Variants in AUTS2 observed in about 807,000 individuals in gnomAD.
AUTS2 encodes the protein autism susceptibility gene 2 protein.
A neutral mutation model predicts 112.4 loss-of-function variants in AUTS2; 17 were observed. The observed-to-expected ratio is 0.15, with a 90% CI of 0.10 to 0.23. The LOEUF is 0.23. AUTS2 is among the 10% of genes least tolerant of loss of function. The pLI, the probability that AUTS2 is intolerant of heterozygous loss-of-function variation, is 1.00. For missense variants in AUTS2, 1,510 were observed against 1,701.6 expected (o/e 0.89, Z 1.98); for synonymous variants, 751 against 702.7 (o/e 1.07, Z -1.09).
Position 70,763,287 on chromosome 7 carries a change from T to A in AUTS2, c.1160T>A (p.Leu387His). The A allele has an allele frequency of 6.2e-7, 1 of 1,605,928 alleles. No individual in the cohort carries two copies. The stretch of plus-strand genomic sequence containing the variant: ...CAGGCCCACCCCTCTGCTCAGAGCC[T>A]CTCCCAGCCATTGTCAGCCTACAAC... Reference protein sequence around the residue: ...PVQAHPSAQSLSQPLSAYNSS... With the variant: ...PVQAHPSAQSHSQPLSAYNSS... Residue 387 changes from leucine (L) to histidine (H), a missense_variant, in exon 7 of 19, where the codon CTC becomes CAC. By Grantham distance (99) the Leu-to-His change is moderately conservative. Transcript: ENST00000342771.
chr7:70,141,951 G>C (rs1472742811), intron 4 of AUTS2, among the ~76,000 whole-genome samples: 1 of 152,178 alleles, frequency 6.6e-6, no homozygotes, highest in Admixed American at 6.5e-5. Context: ...TTTAACTTCA[G>C]CTTCCTCATT....
chr7:70,000,641 A>G (rs1799149213), intron 2 of AUTS2, among the ~76,000 whole-genome samples: 1 of 152,198 alleles, frequency 6.6e-6, no homozygotes, highest in South Asian at 2.1e-4. Flanking sequence ...TCATCTTTAT[A>G]TTTGAACTGA....
rs1802369571 is a variant in AUTS2 at position 70,580,200 on chromosome 7, C to T, written c.691-118369C>T. Among the ~76,000 whole-genome samples, 3 of 152,210 alleles carry T rather than the reference C, an allele frequency of 2.0e-5. No homozygotes were observed. In the South Asian group the frequency reaches 6.2e-4, roughly 32 times the overall value. ...GTACTAGACGGTTTCACTCTTGCAA[C>T]CCTGAAACAGTGGAGTTTCAGGGCT... On this transcript the variant is annotated intron_variant, in intron 5 of 18. Coordinates refer to ENST00000342771, the MANE Select transcript of AUTS2 (RefSeq NM_015570.4).
intron 5 of AUTS2, 102 bp downstream of exon 5, chr7:70,435,883 C>A: frequency 8.0e-7 from 1 of 1,255,690 alleles, no homozygotes; most frequent in South Asian, 1.3e-5. Flanking sequence ...TTCATGTTGA[C>A]AGGACCTTTT....
intron 12 of AUTS2, 79 bp downstream of exon 12, chr7:70,774,178 A>G: frequency 7.4e-7 from 1 of 1,342,538 alleles, no homozygotes; most frequent in Non-Finnish European, 1.1e-6. Flanking sequence ...CAGTGCTCGC[A>G]TCTTCCTTAG....
chr7:70,306,335 G>GT (rs1271011857), intron 4 of AUTS2, among the ~76,000 whole-genome samples: 1 of 152,198 alleles, frequency 6.6e-6, no homozygotes, highest in Non-Finnish European at 1.5e-5. Context: ...ACAGCAGGCT[G>GT]TTTCAACAGC....
chr7:70,057,113 T>G (rs1283362614), intron 2 of AUTS2, among the ~76,000 whole-genome samples: 1 of 152,180 alleles, frequency 6.6e-6, no homozygotes, highest in Non-Finnish European at 1.5e-5. Context: ...TGGGCTGATA[T>G]TGTGGCTTCT....
intron 4 of AUTS2, among the ~76,000 whole-genome samples, chr7:70,175,233 A>G (rs1808922441): frequency 6.6e-6 from 1 of 152,214 alleles, no homozygotes; most frequent in Non-Finnish European, 1.5e-5. Context: ...CAAGAGAACT[A>G]GCATTAGAAT....
chr7:69,779,799 A>G (rs1188954533), intron 1 of AUTS2, among the ~76,000 whole-genome samples: 1 of 151,212 alleles, frequency 6.6e-6, no homozygotes, highest in East Asian at 1.9e-4. Context: ...AAATATATAT[A>G]TGGAAATACA....
chr7:70,056,323 G>A (rs1043850450), intron 2 of AUTS2, among the ~76,000 whole-genome samples: 2 of 152,086 alleles, frequency 1.3e-5, no homozygotes, highest in African/African-American at 4.8e-5. Context: ...CTAAAGTGGC[G>A]CTTTGCATGC....
intron 1 of AUTS2, among the ~76,000 whole-genome samples, chr7:69,671,796 T>C (rs1228868914): frequency 6.6e-6 from 1 of 151,538 alleles, no homozygotes; most frequent in Non-Finnish European, 1.5e-5. Context: ...TGTCCTATTT[T>C]ATTTTATTTT....
intron 1 of AUTS2, among the ~76,000 whole-genome samples, chr7:69,681,907 A>T (rs1584061528): frequency 6.6e-6 from 1 of 152,208 alleles, no homozygotes; most frequent in East Asian, 1.9e-4. Context: ...GAGTGCTATC[A>T]GTGAGTCTGA....
At chr7:70,668,710 A>G (rs927445351) in intron 5 of AUTS2, among the ~76,000 whole-genome samples, 1 of 152,238 alleles carries the variant, frequency 6.6e-6, no homozygotes, top group Non-Finnish European at 1.5e-5. Flanking sequence ...TAACAGGACA[A>G]ATATAATTTC....
chr7:70,128,975 A>T (rs936560597), intron 3 of AUTS2, among the ~76,000 whole-genome samples: 2 of 152,160 alleles, frequency 1.3e-5, no homozygotes, highest in African/African-American at 4.8e-5. Context: ...GCCCATCCTA[A>T]ATCTGTATGA....
At chr7:70,676,769 C>T (rs10262735) in intron 5 of AUTS2, among the ~76,000 whole-genome samples, 3,483 of 151,906 alleles carry the variant, frequency 0.023, 124 homozygotes, top group African/African-American at 0.08. Flanking sequence ...CCTAGCTACT[C>T]AGGAGGCTGA....
intron 1 of AUTS2, among the ~76,000 whole-genome samples, chr7:69,878,993 G>A (rs1043367767): frequency 2.0e-5 from 3 of 152,290 alleles, no homozygotes; most frequent in Admixed American, 6.5e-5. Flanking sequence ...TTCACTCACC[G>A]TTGTGCTTTG....
intron 5 of AUTS2, among the ~76,000 whole-genome samples, chr7:70,499,163 C>T (rs1266184979): frequency 6.6e-6 from 1 of 152,164 alleles, no homozygotes; most frequent in Non-Finnish European, 1.5e-5. Context: ...AAGGTGAATG[C>T]ACAACTGTGG....
intron 1 of AUTS2, among the ~76,000 whole-genome samples, chr7:69,882,704 T>C (rs1794108036): frequency 6.6e-6 from 1 of 152,166 alleles, no homozygotes; most frequent in African/African-American, 2.4e-5. Context: ...TTCGCTCCAT[T>C]TTATATATGA....
In AUTS2 at chr7:70,694,248, AGCCAGCCCCGGGCGCTCACCC is replaced by A. The variant is rs941839458; in HGVS notation, c.691-4312_691-4292del. On this transcript the variant is annotated intron_variant, in intron 5 of 18. Transcript: ENST00000342771. The surrounding 1 kb of genome is among the most constrained non-coding windows in gnomAD (Gnocchi z 4.1). The stretch of plus-strand genomic sequence containing the variant: ...GCAAGCCGAGCGCGGGCCGGAGCCC[AGCCAGCCCCGGGCGCTCACCC>A]GCCAGCCCGCAAGCTCCGGCCAGAG... The A allele has an allele frequency of 3.4e-5, 5 of 148,664 alleles. No individual in the cohort carries two copies. The highest frequency in any genetic ancestry group is 7.5e-5 in the Non-Finnish European group (5 of 66,898). The allele number at this position is 148,664 out of a possible 1,614,324, so 9.2% of individuals were successfully genotyped here. A position where few individuals can be genotyped will look rare whatever the true frequency, so the allele number is the denominator to read the frequency against.
Sources: gnomAD v4.1 joint callset for allele counts (sites outside exome capture counted in the v4.1 genomes callset) on GRCh38, gnomAD v4.1.1 for gene constraint, Gnocchi (gnomAD v3.1) non-coding constraint, MANE v1.5 for transcripts, NCBI Gene and HGNC (gene_info 2026-07-23, HGNC 2026-07-21) for gene names.